MGAT4C: variants seen among roughly 807,000 people sequenced by gnomAD.
The protein encoded by MGAT4C is alpha-1,3-mannosyl-glycoprotein 4-beta-N-acetylglucosaminyltransferase C.
Under a neutral mutation model 40.1 loss-of-function variants are expected in MGAT4C, and 19 were observed. The ratio of observed to expected loss-of-function variants is 0.47; its 90% CI spans 0.33 to 0.70. The LOEUF (loss-of-function observed/expected upper bound fraction) is 0.70, where lower values mean the gene tolerates loss of function less well. Among genes scored for constraint, MGAT4C ranks in the 30% least tolerant of loss-of-function variants. The pLI, the probability that MGAT4C is intolerant of heterozygous loss-of-function variation, is 0.02. For missense variants in MGAT4C, 491 were observed against 563.2 expected, an observed-to-expected ratio of 0.87 and a Z score of 1.30; for synonymous variants, 181 against 187.1, an observed-to-expected ratio of 0.97 and a Z score of 0.27.
intron 4 of MGAT4C, among the ~76,000 whole-genome samples, chr12:86,317,066 A>C (rs755964751): frequency 6.6e-6 from 1 of 152,128 alleles, no homozygotes; most frequent in East Asian, 1.9e-4. Flanking sequence ...CTAGAAAAAC[A>C]TAAGTATACA....
intron 2 of MGAT4C, among the ~76,000 whole-genome samples, chr12:86,505,575 A>G (rs1337797269): frequency 6.6e-6 from 1 of 152,212 alleles, no homozygotes. Flanking sequence ...TGGAATATCT[A>G]TAACAGCAGA....
chr12:86,730,843 T>C (rs1027352553), intron 1 of MGAT4C, among the ~76,000 whole-genome samples: 1 of 152,144 alleles, frequency 6.6e-6, no homozygotes, highest in Non-Finnish European at 1.5e-5. Flanking sequence ...ATTTTTATTA[T>C]AACCGCTATT....
At position 86,717,796 on chromosome 12, in the gene MGAT4C, C is replaced by T. The variant is rs369050219; in HGVS notation, c.-229+9413G>A. Among the ~76,000 whole-genome samples, 4 of 152,142 alleles carry T rather than the reference C, an allele frequency of 2.6e-5. No individual in the cohort carries two copies. The East Asian group carries it at 7.7e-4, about 29-fold the overall frequency. ...TACATACTTATATATGTATGGGTAG[C>T]ATGAATATTTTGATGATTTTGCAGT... On this transcript the variant is annotated intron_variant, in intron 2 of 7. Coordinates refer to the MGAT4C transcript ENST00000548651.
intron 2 of MGAT4C, among the ~76,000 whole-genome samples, chr12:86,041,258 C>T (rs1315608022): frequency 1.3e-5 from 2 of 151,576 alleles, no homozygotes; most frequent in East Asian, 1.9e-4. Flanking sequence ...TATTTATTCT[C>T]TCAAAAAACA....
chr12:86,003,862 C>A (rs976355500), intron 2 of MGAT4C, among the ~76,000 whole-genome samples: 1 of 151,940 alleles, frequency 6.6e-6, no homozygotes, highest in Non-Finnish European at 1.5e-5. Context: ...CAGTAAAAGG[C>A]CTTTTTGTTC....
At chr12:86,267,614 C>T (rs930019460) in intron 4 of MGAT4C, among the ~76,000 whole-genome samples, 2 of 151,938 alleles carry the variant, frequency 1.3e-5, no homozygotes, top group Non-Finnish European at 2.9e-5. Context: ...TTTATATGCA[C>T]TAGACTGTAG....
chr12:86,182,476 A>T (rs1327198066), intron 1 of MGAT4C, among the ~76,000 whole-genome samples: 1 of 152,078 alleles, frequency 6.6e-6, no homozygotes, highest in African/African-American at 2.4e-5. Flanking sequence ...CTAATGGTAA[A>T]TCCCACCTTT....
chr12:86,487,750 A>G (rs1958047771), intron 2 of MGAT4C, among the ~76,000 whole-genome samples: 1 of 152,212 alleles, frequency 6.6e-6, no homozygotes, highest in Non-Finnish European at 1.5e-5. Flanking sequence ...TTTATTCTAA[A>G]TACTATTCTT....
intron 3 of MGAT4C, among the ~76,000 whole-genome samples, chr12:86,405,161 A>C (rs1956439606): frequency 6.6e-6 from 1 of 152,050 alleles, no homozygotes; most frequent in Non-Finnish European, 1.5e-5. Flanking sequence ...ATGGTGATGG[A>C]CGTTCTTGCC....
chr12:86,285,317 G>A (rs1953326270), intron 4 of MGAT4C, among the ~76,000 whole-genome samples: 1 of 152,032 alleles, frequency 6.6e-6, no homozygotes, highest in Non-Finnish European at 1.5e-5. Context: ...CTTGTAGAAT[G>A]TTAAGCTTCA....
Position 86,708,788 on chromosome 12 carries a change from T to C in MGAT4C, c.-229+18421A>G, listed in dbSNP as rs971852198. ...TTGGACTTTCATGGGGCCTGAAACC[T>C]CTTTGTTTTGGCCATTATCTCCCAT... On this transcript the variant is annotated intron_variant, in intron 2 of 7. Coordinates refer to the MGAT4C transcript ENST00000548651. 2.8e-4 allele frequency among the ~76,000 whole-genome samples: 42 copies of C among 152,102 alleles called. 1 individual carries two copies. The highest frequency in any genetic ancestry group is 9.9e-4 in the African/African-American group (41 of 41,422).
chr12:86,538,480 T>A (rs1959111612), intron 2 of MGAT4C, among the ~76,000 whole-genome samples: 1 of 152,174 alleles, frequency 6.6e-6, no homozygotes, highest in Non-Finnish European at 1.5e-5. Context: ...ACATACCTGT[T>A]TTGGAATAGG....
chr12:86,159,077 G>C (rs1423812488), intron 1 of MGAT4C, among the ~76,000 whole-genome samples: 1 of 152,130 alleles, frequency 6.6e-6, no homozygotes, highest in Non-Finnish European at 1.5e-5. Flanking sequence ...ATGTAGAATA[G>C]AAGTGGTGAG....
chr12:86,010,963 T>C (rs1007248073), intron 2 of MGAT4C, among the ~76,000 whole-genome samples: 2 of 152,192 alleles, frequency 1.3e-5, no homozygotes, highest in African/African-American at 4.8e-5. Flanking sequence ...TGATGTAGCA[T>C]GAGGCCCTCA....
intron 1 of MGAT4C, among the ~76,000 whole-genome samples, chr12:86,173,370 T>C (rs867215718): frequency 3.2e-4 from 49 of 152,252 alleles, no homozygotes; most frequent in African/African-American, 1.0e-3. Context: ...TTAGAAATGC[T>C]GATTTGAATG....
chr12:86,607,308 G>C (rs375819967), intron 2 of MGAT4C, among the ~76,000 whole-genome samples: 9 of 152,046 alleles, frequency 5.9e-5, no homozygotes, highest in African/African-American at 2.2e-4. Context: ...CCATGAGTTA[G>C]ACAGTGATTG....
At chr12:86,611,192 T>G (rs75397764) in intron 2 of MGAT4C, among the ~76,000 whole-genome samples, 13,081 of 151,978 alleles carry the variant, frequency 0.086, 905 homozygotes, top group African/African-American at 0.19. Flanking sequence ...TACAAAAATT[T>G]TAAAGGATAG....
intron 1 of MGAT4C, among the ~76,000 whole-genome samples, chr12:86,194,116 T>C (rs527927351): frequency 1.1e-4 from 17 of 152,188 alleles, no homozygotes; most frequent in Non-Finnish European, 2.2e-4. Context: ...ATCTTCCTGT[T>C]CACTAACTCT....
intron 3 of MGAT4C, among the ~76,000 whole-genome samples, chr12:86,402,537 G>A (rs1047065536): frequency 2.0e-5 from 3 of 152,066 alleles, no homozygotes; most frequent in African/African-American, 7.2e-5. Context: ...GGGTTTCATT[G>A]TATACAATTT....
Sources: gnomAD v4.1 joint callset for allele counts (sites outside exome capture counted in the v4.1 genomes callset) on GRCh38, gnomAD v4.1.1 for gene constraint, MANE v1.5 for transcripts, NCBI Gene and HGNC (gene_info 2026-07-23, HGNC 2026-07-21) for gene names.